The following SLIT1 variants were observed in gnomAD, a reference collection of about 807,000 sequenced individuals.
The protein encoded by SLIT1 is slit guidance ligand 1.
A neutral mutation model predicts 186.1 loss-of-function variants in SLIT1; 66 were observed. The ratio of observed to expected loss-of-function variants is 0.35; its 90% CI spans 0.29 to 0.44. The LOEUF (loss-of-function observed/expected upper bound fraction) is 0.44. Among genes scored for constraint, SLIT1 ranks in the 20% least tolerant of loss-of-function variants. SLIT1 has a pLI of 1.00. For synonymous variants in SLIT1, 761 were observed against 833.8 expected (o/e 0.91, Z 1.50); for missense variants, 1,638 against 2,037.4 (o/e 0.80, Z 3.77).
intron 28 of SLIT1, among the ~76,000 whole-genome samples, chr10:97,015,039 C>G (rs902500204): frequency 6.6e-6 from 1 of 152,188 alleles, no homozygotes; most frequent in Non-Finnish European, 1.5e-5. Context: ...CCAAGATACA[C>G]CTTCCCCTGG....
At chr10:97,014,724 G>T (rs1175837099) in intron 28 of SLIT1, among the ~76,000 whole-genome samples, 1 of 152,138 alleles carries the variant, frequency 6.6e-6, no homozygotes, top group Non-Finnish European at 1.5e-5. Context: ...AAATTAGCTG[G>T]GCATGGTGGC....
intron 28 of SLIT1, among the ~76,000 whole-genome samples, chr10:97,014,593 G>A (rs998914799): frequency 2.0e-5 from 3 of 152,164 alleles, no homozygotes; most frequent in Non-Finnish European, 4.4e-5. Flanking sequence ...GTGGCCAGGT[G>A]CGGTGGCTCA....
intron 4 of SLIT1, among the ~76,000 whole-genome samples, chr10:97,144,729 A>T (rs2134706977): frequency 6.6e-6 from 1 of 152,286 alleles, no homozygotes; most frequent in South Asian, 2.1e-4. Flanking sequence ...CCCCAGCCAA[A>T]ACCAACTTGT....
Position 97,003,009 on chromosome 10 carries a change from A to G in SLIT1, c.3866-17T>C. ...CGGGCATCCCTGGGGTAGGGGAGGG[A>G]GCAGAGCTGGGCTGAGTAAAGCTCG... is the stretch of plus-strand genomic sequence containing the variant. On this transcript the variant is annotated splice_polypyrimidine_tract_variant and intron_variant, in intron 34 of 36. Transcript: ENST00000266058. 1.2e-6 allele frequency: 2 copies of G among 1,608,472 alleles called. No individual in the cohort carries two copies. Among genetic ancestry groups the G allele is most frequent in the Non-Finnish European group, 1.7e-6 (2 of 1,176,558 alleles).
chr10:97,078,473 C>T (rs1849068999), intron 4 of SLIT1, among the ~76,000 whole-genome samples: 1 of 152,202 alleles, frequency 6.6e-6, no homozygotes, highest in South Asian at 2.1e-4. Context: ...TCCTTGAACC[C>T]GGCTGTTTGC....
chr10:97,057,311 A>T (rs1564664090), intron 11 of SLIT1, 30 bp from the exon 12 acceptor site: 1 of 1,597,716 alleles, frequency 6.3e-7, no homozygotes, highest in Non-Finnish European at 8.6e-7. Flanking sequence ...GAGGAGGGTT[A>T]GAGGACAGCC....
rs1781372204 is a variant in SLIT1, at chr10:97,184,017, A to ACC, written c.197+1459_197+1460dup. On this transcript the variant is annotated intron_variant, in intron 1 of 36. Coordinates refer to ENST00000266058, the MANE Select transcript of SLIT1 (RefSeq NM_003061.3). The surrounding 1 kb of genome is among the most constrained non-coding windows in gnomAD (Gnocchi z 4.4). ...CATTCACACACACACATACACATGC[A>ACC]CCACACACACACACACACACACACA... Among the ~76,000 whole-genome samples, 1 of 83,626 alleles carries ACC rather than the reference A, an allele frequency of 1.2e-5. No homozygotes were observed. The highest frequency in any genetic ancestry group is 2.3e-5 in the Non-Finnish European group (1 of 42,862). 54.9% of individuals were successfully genotyped at this position (83,626 alleles called of 152,430 possible).
chr10:97,178,766 G>A (rs573510629), intron 1 of SLIT1, among the ~76,000 whole-genome samples: 27 of 141,646 alleles, frequency 1.9e-4, no homozygotes, highest in African/African-American at 6.5e-4. Flanking sequence ...GAGTGTGTGC[G>A]ATAGAGAGAA....
At chr10:97,058,086 A>G (rs1312636971) in intron 11 of SLIT1, 1 of 717,150 alleles carries the variant, frequency 1.4e-6, no homozygotes, top group African/African-American at 1.7e-5. Flanking sequence ...GTGTGTGGAC[A>G]GGTGACGGGG....
Position 97,057,818 on chromosome 10 carries a change from T to TA in SLIT1, c.1086-538dup, listed in dbSNP as rs1848855223. On this transcript the variant is annotated intron_variant, in intron 11 of 36. Transcript: ENST00000266058. ...GCATGAATTCCATGTATAGGTTTTT[T>TA]AAAAAAACAAAAGTTCAAAAAAACA... is the stretch of plus-strand genomic sequence containing the variant. The TA allele has an allele frequency of 7.2e-6, 4 of 557,888 alleles. No individual in the cohort carries two copies. In the South Asian group the frequency reaches 7.9e-5, roughly 11 times the overall value. 34.6% of individuals were successfully genotyped at this position (557,888 alleles called of 1,614,324 possible).
At position 97,002,279 on chromosome 10, in the gene SLIT1, G is replaced by GGCCTGGTTGCACAGTGCCCCC. The variant is rs1564650874; in HGVS notation, c.4224_4244dup (p.Cys1412_Leu1418dup). 1 of 1,609,364 alleles carries GGCCTGGTTGCACAGTGCCCCC rather than the reference G, an allele frequency of 6.2e-7. No homozygotes were observed. Among genetic ancestry groups the GGCCTGGTTGCACAGTGCCCCC allele is most frequent in the African/African-American group, 1.3e-5 (1 of 74,994 alleles). On this transcript the variant is annotated inframe_insertion, in exon 36 of 37. Coordinates refer to ENST00000266058, the MANE Select transcript of SLIT1 (RefSeq NM_003061.3). ...CTCTGCAGGGCTCTGCCAGGGCCCC[G>GGCCTGGTTGCACAGTGCCCCC]GCCTGGTTGCACAGTGCCCCCGAGT...
chr10:97,091,407 T>C (rs1049891381), intron 4 of SLIT1, among the ~76,000 whole-genome samples: 9 of 152,240 alleles, frequency 5.9e-5, no homozygotes, highest in African/African-American at 2.2e-4. Flanking sequence ...TTTTGTGTGG[T>C]AGAGTTGCAA....
intron 11 of SLIT1, chr10:97,058,248 G>A: frequency 1.6e-6 from 1 of 611,444 alleles, no homozygotes; most frequent in Admixed American, 2.5e-5. Flanking sequence ...GGCAGGAACT[G>A]AAGCAGGGAG....
intron 4 of SLIT1, among the ~76,000 whole-genome samples, chr10:97,109,887 A>G (rs972924844): frequency 6.6e-6 from 1 of 151,984 alleles, no homozygotes; most frequent in Non-Finnish European, 1.5e-5. Context: ...TCTCTTGCAA[A>G]CCTCCATTAA....
At chr10:97,106,443 G>A (rs539143952) in intron 4 of SLIT1, among the ~76,000 whole-genome samples, 124 of 151,998 alleles carry the variant, frequency 8.2e-4, no homozygotes, top group Non-Finnish European at 1.8e-4. Context: ...CTGGGCCCTC[G>A]TAGCATCATT....
In SLIT1 at chr10:97,021,372, C is replaced by A. The variant is rs778722326; in HGVS notation, c.2624G>T (p.Arg875Leu). Residue 875 changes from arginine (R) to leucine (L), a missense_variant, in exon 26 of 37, where the codon CGC becomes CTC. Physicochemically the swap from Arg to Leu is moderately radical, Grantham distance 102. This residue lies in a region of SLIT1 where 1,245 missense variants were observed against 1,535.3 expected (regional missense o/e 0.81). Transcript: ENST00000266058. The surrounding 1 kb of genome is among the most constrained non-coding windows in gnomAD (Gnocchi z 4.5). ...AGTCTTCACCCAGCTGGACAGCCAG[C>A]GGAGGTGGCAGTCACAGTATAGGGG... ...ANPLYCDCHLRWLSSWVKTGY... is the reference protein window; with the variant it reads ...ANPLYCDCHLLWLSSWVKTGY... 8 of 1,613,994 alleles carry A rather than the reference C, an allele frequency of 5.0e-6. No homozygotes were observed. Among genetic ancestry groups the A allele is most frequent in the Non-Finnish European group, 6.8e-6 (8 of 1,180,010 alleles).
chr10:97,085,387 T>C (rs901628967), intron 4 of SLIT1, among the ~76,000 whole-genome samples: 1 of 140,762 alleles, frequency 7.1e-6, no homozygotes, highest in Non-Finnish European at 1.5e-5. Flanking sequence ...TAGCATGTAC[T>C]TTTTTTTTTT....
chr10:97,059,581 C>T (rs745972486), intron 10 of SLIT1, 50 bp from the exon 11 acceptor site: 22 of 1,421,856 alleles, frequency 1.5e-5, no homozygotes, highest in African/African-American at 8.4e-5. Context: ...TCAACAGCCA[C>T]TAAGCCCTGC....
chr10:97,109,468 G>A (rs1849445121), intron 4 of SLIT1, among the ~76,000 whole-genome samples: 1 of 152,126 alleles, frequency 6.6e-6, no homozygotes. Flanking sequence ...GAGGTGATCA[G>A]AAGAAGGTTC....
Sources: gnomAD v4.1 joint callset for allele counts (sites outside exome capture counted in the v4.1 genomes callset) on GRCh38, gnomAD v4.1.1 for gene constraint, gnomAD v4.1.1 regional missense constraint, Gnocchi (gnomAD v3.1) non-coding constraint, MANE v1.5 for transcripts, NCBI Gene and HGNC (gene_info 2026-07-23, HGNC 2026-07-21) for gene names.